LUZP2: variants seen among roughly 807,000 people sequenced by gnomAD.
The protein encoded by LUZP2 is leucine zipper protein 2.
LUZP2 carries 52 observed loss-of-function variants against 51.6 expected under a neutral mutation model. That is an observed-to-expected ratio of 1.01 (90% CI 0.81 to 1.27). The LOEUF is 1.27. LUZP2 is among the 50% of genes most tolerant of loss of function. LUZP2 has a pLI of 0.00. For missense variants in LUZP2, 436 were observed against 395.4 expected (o/e 1.10, Z -0.87); for synonymous variants, 154 against 137.3 (o/e 1.12, Z -0.85).
At chr11:24,528,777 C>G (rs911636436) in intron 1 of LUZP2, among the ~76,000 whole-genome samples, 1 of 151,186 alleles carries the variant, frequency 6.6e-6, no homozygotes, top group Non-Finnish European at 1.5e-5. Context: ...TAAATGCTGA[C>G]AAACTATCTT....
At chr11:24,599,697 T>G (rs1853557005) in intron 1 of LUZP2, among the ~76,000 whole-genome samples, 1 of 152,236 alleles carries the variant, frequency 6.6e-6, no homozygotes, top group Non-Finnish European at 1.5e-5. Flanking sequence ...CACAGTTTTT[T>G]TCTGTGTTGC....
At position 25,075,082 on chromosome 11, in the gene LUZP2, G is replaced by A. The variant is rs550576132; in HGVS notation, c.859-2247G>A. 2.1e-3 allele frequency among the ~76,000 whole-genome samples: 327 copies of A among 152,188 alleles called. 2 individuals are homozygous for A. Among genetic ancestry groups the A allele is most frequent in the Non-Finnish European group, 3.0e-3 (204 of 68,010 alleles). The stretch of plus-strand genomic sequence containing the variant: ...AAATGCAAGAATAATAAAAACAGCA[G>A]CCAATTGGTTTATTAGAGCAAAACA... On this transcript the variant is annotated intron_variant, in intron 10 of 11. Transcript: ENST00000336930.
At chr11:24,537,687 T>C (rs565863473) in intron 1 of LUZP2, among the ~76,000 whole-genome samples, 1 of 152,016 alleles carries the variant, frequency 6.6e-6, no homozygotes, top group South Asian at 2.1e-4. Context: ...TTTTAAAAAT[T>C]AGTTTCAGTC....
intron 1 of LUZP2, among the ~76,000 whole-genome samples, chr11:24,699,724 G>T (rs1857366213): frequency 6.9e-6 from 1 of 145,076 alleles, no homozygotes; most frequent in African/African-American, 2.6e-5. Context: ...AATATATTTA[G>T]GTGCTATATA....
At chr11:25,029,396 A>G (rs1364952650) in intron 9 of LUZP2, among the ~76,000 whole-genome samples, 2 of 152,062 alleles carry the variant, frequency 1.3e-5, no homozygotes, top group Non-Finnish European at 2.9e-5. Flanking sequence ...TTTAGAAGAA[A>G]TAAAAAACAA....
At chr11:24,991,562 T>G (rs1319060908) in intron 9 of LUZP2, among the ~76,000 whole-genome samples, 1 of 151,830 alleles carries the variant, frequency 6.6e-6, no homozygotes, top group Non-Finnish European at 1.5e-5. Context: ...ATTTAATGAC[T>G]TTTTTCCTCT....
intron 7 of LUZP2, among the ~76,000 whole-genome samples, chr11:24,956,665 T>G (rs1287019553): frequency 6.6e-6 from 1 of 152,018 alleles, no homozygotes; most frequent in African/African-American, 2.4e-5. Flanking sequence ...GAAATAAAGA[T>G]TTTGGTGATT....
intron 1 of LUZP2, among the ~76,000 whole-genome samples, chr11:24,681,416 G>A (rs905993932): frequency 6.6e-6 from 1 of 152,170 alleles, no homozygotes; most frequent in Non-Finnish European, 1.5e-5. Flanking sequence ...TGTAAGAGGA[G>A]ATCTTTCTTT....
intron 9 of LUZP2, among the ~76,000 whole-genome samples, chr11:25,040,770 G>C (rs1200294939): frequency 6.6e-6 from 1 of 152,126 alleles, no homozygotes; most frequent in African/African-American, 2.4e-5. Flanking sequence ...AGAAGTTGAT[G>C]ATCTCATTTT....
intron 5 of LUZP2, chr11:24,786,565 TATATA>T (rs1448366101): frequency 3.0e-6 from 1 of 335,416 alleles, no homozygotes; most frequent in African/African-American, 2.3e-5. Context: ...TGTATATAAT[TATATA>T]ATATATAAAA....
chr11:25,027,507 A>G (rs1437993386), intron 9 of LUZP2, among the ~76,000 whole-genome samples: 1 of 152,150 alleles, frequency 6.6e-6, no homozygotes, highest in Admixed American at 6.5e-5. Context: ...TAACTGAATC[A>G]TCTGGCCATT....
intron 10 of LUZP2, among the ~76,000 whole-genome samples, chr11:25,074,420 G>T (rs986032441): frequency 6.6e-6 from 1 of 152,116 alleles, no homozygotes; most frequent in East Asian, 1.9e-4. Context: ...TAAGATAAAA[G>T]TATCAGAAAA....
At chr11:24,513,745 C>A (rs535690127) in intron 1 of LUZP2, among the ~76,000 whole-genome samples, 1 of 152,100 alleles carries the variant, frequency 6.6e-6, no homozygotes, top group Non-Finnish European at 1.5e-5. Context: ...CCATTAATAC[C>A]AAACAATCAC....
chr11:24,633,510 G>GA (rs1854962451), intron 1 of LUZP2, among the ~76,000 whole-genome samples: 1 of 151,800 alleles, frequency 6.6e-6, no homozygotes, highest in East Asian at 1.9e-4. Context: ...AAAAGCAGTG[G>GA]AAAAAAATGA....
chr11:24,502,020 T>G (rs865885336), intron 1 of LUZP2, among the ~76,000 whole-genome samples: 3 of 152,144 alleles, frequency 2.0e-5, no homozygotes, highest in Non-Finnish European at 4.4e-5. Context: ...CTCTATCCAG[T>G]TTTCTGATGT....
chr11:24,677,109 T>C (rs1440818390), intron 1 of LUZP2, among the ~76,000 whole-genome samples: 2 of 152,046 alleles, frequency 1.3e-5, no homozygotes, highest in African/African-American at 4.8e-5. Flanking sequence ...ATATATCAAA[T>C]ATATATCATT....
At position 24,497,204 on chromosome 11, in the gene LUZP2, A is replaced by G. The variant is rs930506391; in HGVS notation, c.-40A>G. 1 of 1,502,956 alleles carries G rather than the reference A, an allele frequency of 6.7e-7. No homozygotes were observed. Among genetic ancestry groups the G allele is most frequent in the Non-Finnish European group, 9.0e-7 (1 of 1,116,030 alleles). 93.1% of individuals were successfully genotyped at this position (1,502,956 alleles called of 1,614,324 possible). On this transcript the variant is annotated 5_prime_UTR_variant, in exon 1 of 12. Coordinates refer to ENST00000336930, the MANE Select transcript of LUZP2 (RefSeq NM_001009909.4). ...GCGACAGGATCCCGAAGAGAGAGAGAGAAGGCAGCGAGGGAAGGAGGACCC... is the reference window on the plus strand; with the variant it reads ...GCGACAGGATCCCGAAGAGAGAGAGGGAAGGCAGCGAGGGAAGGAGGACCC...
chr11:24,857,557 A>G (rs551189484), intron 5 of LUZP2, among the ~76,000 whole-genome samples: 1 of 100,058 alleles, frequency 1.0e-5, no homozygotes, highest in South Asian at 3.7e-4. Flanking sequence ...CATATCCAAA[A>G]TAGGTCTTTT....
chr11:24,661,758 A>C (rs1856029015), intron 1 of LUZP2, among the ~76,000 whole-genome samples: 1 of 152,194 alleles, frequency 6.6e-6, no homozygotes, highest in African/African-American at 2.4e-5. Flanking sequence ...ATGGTGAAAT[A>C]GTAACTATTC....
Sources: allele counts gnomAD v4.1 joint callset (sites outside exome capture counted in the v4.1 genomes callset), GRCh38; gene constraint gnomAD v4.1.1; transcripts MANE v1.5; gene names NCBI Gene and HGNC (gene_info 2026-07-23, HGNC 2026-07-21).